Variants in ADGRV1 observed in about 807,000 individuals in gnomAD.
ADGRV1 encodes the protein G-protein coupled receptor 98.
In ADGRV1, 359 loss-of-function variants were observed where a neutral mutation model predicts 596.2. That is an observed-to-expected ratio of 0.60 (90% confidence interval 0.55 to 0.66). ADGRV1 has a LOEUF of 0.66. ADGRV1 is among the 30% of genes least tolerant of loss of function. ADGRV1 has a pLI of 0.00. For missense variants in ADGRV1, 7,274 were observed against 7,575.6 expected, an observed-to-expected ratio of 0.96 and a Z score of 1.48; for synonymous variants, 2,681 against 2,679.2, an observed-to-expected ratio of 1.00 and a Z score of -0.02.
At chr5:90,754,914 C>A in intron 54 of ADGRV1, 69 bp from the exon 55 acceptor site, 1 of 1,096,834 alleles carries the variant, frequency 9.1e-7, no homozygotes, top group Non-Finnish European at 1.4e-6. Context: ...GTGTTCCACT[C>A]TAGGTCCTTG....
chr5:90,700,624 T>C (rs1176474684), intron 34 of ADGRV1, among the ~76,000 whole-genome samples: 2 of 152,126 alleles, frequency 1.3e-5, no homozygotes. Flanking sequence ...TCATGTTCGA[T>C]GGATTTTAAA....
At chr5:90,684,801 C>T (rs970637718) in intron 28 of ADGRV1, among the ~76,000 whole-genome samples, 1 of 152,134 alleles carries the variant, frequency 6.6e-6, no homozygotes, top group African/African-American at 2.4e-5. Flanking sequence ...CAGGAGAACA[C>T]AAACCTTCAG....
chr5:90,703,730 A>T lies in ADGRV1; in HGVS notation c.8221A>T (p.Lys2741Ter), dbSNP rs773579328. The change falls in exon 35 of 90, where the codon AAA becomes TAA. Residue 2741 changes from lysine to a stop codon, truncating the protein, a stop_gained. Coordinates refer to ENST00000405460, the MANE Select transcript of ADGRV1 (RefSeq NM_032119.4). LOFTEE classifies it high-confidence loss of function. ...TCGAGGAAATGTTACTGTTAACTGG[A>T]AAATTATTGGGCAAAATCTAGAACT... The part of the protein sequence containing the change: ...PGRGNVTVNW[K>*]IIGQNLELNF... The T allele has an allele frequency of 2.5e-6, 4 of 1,605,836 alleles. No individual in the cohort carries two copies. Among genetic ancestry groups the T allele is most frequent in the Non-Finnish European group, 3.4e-6 (4 of 1,175,458 alleles).
At chr5:90,673,773 T>C (rs1772834757) in intron 22 of ADGRV1, among the ~76,000 whole-genome samples, 3 of 152,160 alleles carry the variant, frequency 2.0e-5, no homozygotes, top group African/African-American at 7.2e-5. Context: ...GATTAGATTT[T>C]AACATAGGAA....
At chr5:91,080,627 GT>G (rs1408888165) in intron 86 of ADGRV1, among the ~76,000 whole-genome samples, 2 of 150,440 alleles carry the variant, frequency 1.3e-5, no homozygotes, top group East Asian at 3.9e-4. Context: ...AGTGATCAGG[GT>G]TGGAAAATTA....
Position 90,637,872 on chromosome 5 carries a change from GAC to G in ADGRV1, c.2168_2169del (p.Thr723AsnfsTer9). On this transcript the variant is annotated frameshift_variant, in exon 11 of 90. Coordinates refer to ENST00000405460, the MANE Select transcript of ADGRV1 (RefSeq NM_032119.4). LOFTEE classifies it high-confidence loss of function. ...GSVLFLSGQS[D>X]TTINITIKGD... ...TGTTTTGTTTTTATCTGGGCAAAGT[GAC>G]ACAACAATCAACATTACTATCAAAG... is the stretch of plus-strand genomic sequence containing the variant. 1 of 1,613,618 alleles carries G rather than the reference GAC, an allele frequency of 6.2e-7. No homozygotes were observed. The highest frequency in any genetic ancestry group is 8.5e-7 in the Non-Finnish European group (1 of 1,179,722).
In ADGRV1 at chr5:90,783,718, T is replaced by C. The variant is rs568911359; in HGVS notation, c.13434-120T>C. 7 of 683,108 alleles carry C rather than the reference T, an allele frequency of 1.0e-5. No individual in the cohort carries two copies. In the East Asian group the frequency reaches 1.9e-4, roughly 19 times the overall value. The allele number at this position is 683,108 out of a possible 1,614,324, so 42.3% of individuals were successfully genotyped here. A position where few individuals can be genotyped will look rare whatever the true frequency, so the allele number is the denominator to read the frequency against. Reference sequence around the variant, plus strand: ...AGCTAAGCACCCACTTCTTACCACTTGATGTGTGACTACTGTGCCTTGAAT... The same window carrying C: ...AGCTAAGCACCCACTTCTTACCACTCGATGTGTGACTACTGTGCCTTGAAT... On this transcript the variant is annotated intron_variant, in intron 66 of 89. Transcript: ENST00000405460.
intron 67 of ADGRV1, among the ~76,000 whole-genome samples, chr5:90,787,239 G>A (rs990743368): frequency 1.3e-5 from 2 of 152,122 alleles, no homozygotes; most frequent in East Asian, 3.9e-4. Context: ...TGTGTGAGAG[G>A]CATACCATTT....
intron 83 of ADGRV1, among the ~76,000 whole-genome samples, chr5:90,910,424 G>A (rs932593831): frequency 6.6e-6 from 1 of 152,128 alleles, no homozygotes; most frequent in African/African-American, 2.4e-5. Context: ...AATGCACATT[G>A]TGAATATAGT....
intron 28 of ADGRV1, among the ~76,000 whole-genome samples, chr5:90,685,335 C>G (rs1424888992): frequency 6.6e-6 from 1 of 152,052 alleles, no homozygotes; most frequent in Non-Finnish European, 1.5e-5. Flanking sequence ...GTAATCCTAG[C>G]ACTTTGGGAG....
At chr5:90,994,468 A>G (rs151248316) in intron 85 of ADGRV1, among the ~76,000 whole-genome samples, 8 of 152,268 alleles carry the variant, frequency 5.3e-5, no homozygotes, top group Non-Finnish European at 1.2e-4. Flanking sequence ...ATGCTCATTT[A>G]GTTATATAGA....
At chr5:90,610,620 C>T (rs530537696) in intron 1 of ADGRV1, among the ~76,000 whole-genome samples, 41 of 152,022 alleles carry the variant, frequency 2.7e-4, no homozygotes, top group African/African-American at 9.4e-4. Flanking sequence ...TTCATGAATC[C>T]TTAGAGAAGA....
intron 59 of ADGRV1, among the ~76,000 whole-genome samples, chr5:90,770,882 C>G (rs1757623712): frequency 1.3e-5 from 2 of 152,060 alleles, no homozygotes; most frequent in South Asian, 4.1e-4. Context: ...GTGTCTTATT[C>G]TTACACAAAT....
At chr5:90,625,314 G>C (rs949669270) in intron 6 of ADGRV1, 71 bp downstream of exon 6, 6 of 932,760 alleles carry the variant, frequency 6.4e-6, no homozygotes, top group Non-Finnish European at 1.0e-5. Context: ...TATAAACTTA[G>C]TGTATTGTGG....
chr5:90,652,285 C>G, intron 18 of ADGRV1, 61 bp from the exon 19 acceptor site: 2 of 1,182,944 alleles, frequency 1.7e-6, no homozygotes, highest in African/African-American at 1.5e-5. Flanking sequence ...CTTAATAACA[C>G]AGGAAGCTCT....
In ADGRV1 at chr5:90,629,020, C is replaced by T. The variant is rs1316935651; in HGVS notation, c.1509+188C>T. 5 of 681,486 alleles carry T rather than the reference C, an allele frequency of 7.3e-6. No homozygotes were observed. In the East Asian group the frequency reaches 1.4e-4, roughly 19 times the overall value. The allele number at this position is 681,486 out of a possible 1,614,324, so 42.2% of individuals were successfully genotyped here. ...ATATTTTACCCTCTAAAAAATTCCA[C>T]AAACTGTGATTTAGGAATATTTCCA... is the stretch of plus-strand genomic sequence containing the variant. On this transcript the variant is annotated intron_variant, in intron 8 of 89. Coordinates refer to ENST00000405460, the MANE Select transcript of ADGRV1 (RefSeq NM_032119.4).
chr5:90,720,422 T>G (rs1468089949), intron 44 of ADGRV1, among the ~76,000 whole-genome samples, 199 bp downstream of exon 44: 1 of 152,220 alleles, frequency 6.6e-6, no homozygotes, highest in Admixed American at 6.5e-5. Context: ...CACCCTGTTA[T>G]TAGAATGGTG....
chr5:90,799,808 A>C (rs1013691478), intron 70 of ADGRV1, among the ~76,000 whole-genome samples: 49 of 152,210 alleles, frequency 3.2e-4, no homozygotes, highest in African/African-American at 1.2e-3. Context: ...GACAAACCTG[A>C]CAAAAACAAG....
chr5:91,108,543 T>C (rs1333573307), intron 87 of ADGRV1, among the ~76,000 whole-genome samples: 1 of 152,172 alleles, frequency 6.6e-6, no homozygotes, highest in Admixed American at 6.5e-5. Context: ...TAAACACACA[T>C]TCTAGAATCT....
Sources: gnomAD v4.1 joint callset for allele counts (sites outside exome capture counted in the v4.1 genomes callset) on GRCh38, gnomAD v4.1.1 for gene constraint, MANE v1.5 for transcripts, NCBI Gene and HGNC (gene_info 2026-07-23, HGNC 2026-07-21) for gene names.